The following KMT2A variants were observed in gnomAD, a reference collection of about 807,000 sequenced individuals.
The protein encoded by KMT2A is histone-lysine N-methyltransferase 2A.
A neutral mutation model predicts 345.3 loss-of-function variants in KMT2A; 16 were observed. The ratio of observed to expected loss-of-function variants is 0.05; its 90% CI spans 0.03 to 0.07. KMT2A has a LOEUF of 0.07. KMT2A is among the 10% of genes least tolerant of loss of function. The pLI is 1.00. For missense variants in KMT2A, 3,272 were observed against 4,841.6 expected (o/e 0.68, Z 9.62); for synonymous variants, 1,599 against 1,778.6 (o/e 0.90, Z 2.54).
chr11:118,519,562 A>G lies in KMT2A; in HGVS notation c.11147-56A>G, dbSNP rs1389998732. The G allele has an allele frequency of 1.1e-5, 17 of 1,512,372 alleles. No homozygotes were observed. The Admixed American group carries it at 2.7e-4, about 24-fold the overall frequency. The allele number at this position is 1,512,372 out of a possible 1,614,324, so 93.7% of individuals were successfully genotyped here. ...ATAGCATAGGCATTTCTGTAGGACC[A>G]TGCTGTTTCCTGTTGACTGCGCTCC... On this transcript the variant is annotated intron_variant, in intron 31 of 35. Transcript: ENST00000534358.
Position 118,472,516 on chromosome 11 carries a change from G to A in KMT2A, c.1357G>A (p.Ala453Thr). ...LESTPNSRFS[A>T]PSCGSSEKSS... Reference sequence around the variant, plus strand: ...GTCTACACCGAATAGTAGATTCAGTGCCCCGTCCTGTGGATCTTCTGAAAA... The same window carrying A: ...GTCTACACCGAATAGTAGATTCAGTACCCCGTCCTGTGGATCTTCTGAAAA... Residue 453 changes from alanine to threonine, a missense_variant, in exon 3 of 36, where the codon GCC becomes ACC. Ala to Thr is a moderately conservative substitution (Grantham distance 58). Coordinates refer to ENST00000534358, the MANE Select transcript of KMT2A (RefSeq NM_001197104.2). 6.2e-7 allele frequency: 1 copy of A among 1,613,130 alleles called. No homozygotes were observed. The highest frequency in any genetic ancestry group is 8.5e-7 in the Non-Finnish European group (1 of 1,179,882).
rs1224570954 is a variant in KMT2A, at chr11:118,522,748, C to T, written c.*576C>T. ...TCCTAGCACCTCCGGTGTCAAAAGG[C>T]TGTCATGGGGTTGTGCCAATTAATT... On this transcript the variant is annotated 3_prime_UTR_variant, in exon 36 of 36. Coordinates refer to ENST00000534358, the MANE Select transcript of KMT2A (RefSeq NM_001197104.2). The surrounding 1 kb of genome is among the most constrained non-coding windows in gnomAD (Gnocchi z 5.4). 4.7e-6 allele frequency: 1 copy of T among 213,548 alleles called. No individual in the cohort carries two copies. Among genetic ancestry groups the T allele is most frequent in the Non-Finnish European group, 9.5e-6 (1 of 105,432 alleles). 13.2% of individuals were successfully genotyped at this position (213,548 alleles called of 1,614,324 possible).
chr11:118,440,413 AT>A (rs1296026793), intron 1 of KMT2A, among the ~76,000 whole-genome samples: 3 of 152,200 alleles, frequency 2.0e-5, no homozygotes, highest in African/African-American at 7.2e-5. Flanking sequence ...CTCTCAGGTA[AT>A]GTTCATACTA....
chr11:118,478,631 T>C, intron 5 of KMT2A, among the ~76,000 whole-genome samples: 1 of 152,244 alleles, frequency 6.6e-6, no homozygotes, highest in East Asian at 1.9e-4. Flanking sequence ...ACTTTATGTA[T>C]AATTTTTGTT....
At chr11:118,442,065 C>T (rs1478867796) in intron 1 of KMT2A, among the ~76,000 whole-genome samples, 1 of 152,172 alleles carries the variant, frequency 6.6e-6, no homozygotes, top group Non-Finnish European at 1.5e-5. Context: ...TTGTAGGTCT[C>T]CTAATTAAGA....
In KMT2A at chr11:118,491,897, G is replaced by A. The variant is rs782125310; in HGVS notation, c.4973G>A (p.Arg1658Gln). 3 of 1,613,622 alleles carry A rather than the reference G, an allele frequency of 1.9e-6. No homozygotes were observed. The highest frequency in any genetic ancestry group is 1.3e-5 in the African/African-American group (1 of 74,998). The change falls in exon 15 of 36, where the codon CGG (arginine) becomes CAG (glutamine). Residue 1658 changes from arginine (R) to glutamine (Q), a missense_variant. Physicochemically the swap from Arg to Gln is conservative, Grantham distance 43. This residue lies in a region of KMT2A where 66 missense variants were observed against 80.1 expected (regional missense o/e 0.82). Transcript: ENST00000534358. This position sits in a 1 kb window ranked among gnomAD's most constrained non-coding sequence, Gnocchi z 4.2. ...GTTCTGACAGCTTTGTTGAATTCTCGGACTACCAGCCATTTGCTACGCTAC... is the reference window on the plus strand; with the variant it reads ...GTTCTGACAGCTTTGTTGAATTCTCAGACTACCAGCCATTTGCTACGCTAC... ...KQVLTALLNS[R>Q]TTSHLLRYRQ...
chr11:118,488,546 G>T, intron 10 of KMT2A, 68 bp from the exon 11 acceptor site: 7 of 1,535,210 alleles, frequency 4.6e-6, no homozygotes, highest in Non-Finnish European at 6.3e-6. Context: ...ATATAAGAAG[G>T]GTATGGTTGA....
chr11:118,463,873 T>C (rs1222299826), intron 1 of KMT2A, among the ~76,000 whole-genome samples: 1 of 152,180 alleles, frequency 6.6e-6, no homozygotes, highest in African/African-American at 2.4e-5. Flanking sequence ...CAGGATGTAG[T>C]TTGAGGCACT....
At position 118,471,973 on chromosome 11, in the gene KMT2A, A is replaced by G; in HGVS notation, c.814A>G (p.Lys272Glu). The change falls in exon 3 of 36, where the codon AAA becomes GAA. Residue 272 changes from lysine to glutamate, a missense_variant. Physicochemically the swap from Lys to Glu is moderately conservative, Grantham distance 56 (BLOSUM62 1). Transcript: ENST00000534358. ...ATFQQATKIK[K>E]LRAGKLSPLK... ...GTTTCAGCAAGCCACAAAGATTAAA[A>G]AATTAAGAGCAGGTAAACTCTCTCC... 6.2e-7 allele frequency: 1 copy of G among 1,614,174 alleles called. No individual in the cohort carries two copies. The highest frequency in any genetic ancestry group is 8.5e-7 in the Non-Finnish European group (1 of 1,180,036).
Position 118,489,817 on chromosome 11 carries a change from G to A in KMT2A, c.4505G>A (p.Arg1502Gln), listed in dbSNP as rs551144488. The change falls in exon 12 of 36, where the codon CGA (arginine) becomes CAA (glutamine). Residue 1502 changes from arginine to glutamine, a missense_variant. Physicochemically the swap from Arg to Gln is conservative, Grantham distance 43 (BLOSUM62 1). Coordinates refer to ENST00000534358, the MANE Select transcript of KMT2A (RefSeq NM_001197104.2). ...TKQLLECNKCRNSYHPECLGP... is the reference protein window; with the variant it reads ...TKQLLECNKCQNSYHPECLGP... ...CAGCTGCTGGAGTGTAATAAGTGCC[G>A]AAACAGCTATCACCCTGAGTGCCTG... 1.4e-5 allele frequency: 22 copies of A among 1,614,058 alleles called. No homozygotes were observed. Among genetic ancestry groups the A allele is most frequent in the South Asian group, 5.5e-5 (5 of 91,084 alleles).
intron 10 of KMT2A, among the ~76,000 whole-genome samples, chr11:118,486,850 T>G (rs1332379919): frequency 6.6e-6 from 1 of 152,116 alleles, no homozygotes; most frequent in Non-Finnish European, 1.5e-5. Flanking sequence ...ATCACGCCAC[T>G]GCACTCCAGC....
chr11:118,521,508 G>T lies in KMT2A; in HGVS notation c.11643+91G>T. The T allele has an allele frequency of 6.9e-7, 1 of 1,445,106 alleles. No homozygotes were observed. Among genetic ancestry groups the T allele is most frequent in the Middle Eastern group, 1.8e-4 (1 of 5,612 alleles). The allele number at this position is 1,445,106 out of a possible 1,614,324, so 89.5% of individuals were successfully genotyped here. ...CTGGATCACAAAAGAAATAGTGTAT[G>T]TTATCAATTCAGAGACCTTTCTTAA... On this transcript the variant is annotated intron_variant, in intron 35 of 35. Transcript: ENST00000534358. This position sits in a 1 kb window ranked among gnomAD's most constrained non-coding sequence, Gnocchi z 5.3.
rs1555054559 is a variant in KMT2A at position 118,523,952 on chromosome 11, TTC to T, written c.*1784_*1785del. On this transcript the variant is annotated 3_prime_UTR_variant, in exon 36 of 36. Coordinates refer to ENST00000534358, the MANE Select transcript of KMT2A (RefSeq NM_001197104.2). ...TACAGTAATATCTTGATACAACAGA[TTC>T]TCTTCTTTCCCGCCTCTCTCCTTTC... is the stretch of plus-strand genomic sequence containing the variant. 2 of 202,556 alleles carry T rather than the reference TTC, an allele frequency of 9.9e-6. No homozygotes were observed. Among genetic ancestry groups the T allele is most frequent in the African/African-American group, 4.6e-5 (2 of 43,598 alleles). 12.5% of individuals were successfully genotyped at this position (202,556 alleles called of 1,614,324 possible). A position where few individuals can be genotyped will look rare whatever the true frequency, so the allele number is the denominator to read the frequency against.
Position 118,509,219 on chromosome 11 carries a change from G to T in KMT2A, c.10900+19G>T. 1 of 1,595,554 alleles carries T rather than the reference G, an allele frequency of 6.3e-7. No individual in the cohort carries two copies. Among genetic ancestry groups the T allele is most frequent in the Non-Finnish European group, 8.6e-7 (1 of 1,163,960 alleles). ...AGTGCAGGTATGTGGGTGGGTAAAA[G>T]GTTAGAATCAGAGAATATCAATGCT... is the stretch of plus-strand genomic sequence containing the variant. On this transcript the variant is annotated intron_variant, in intron 29 of 35. Coordinates refer to ENST00000534358, the MANE Select transcript of KMT2A (RefSeq NM_001197104.2).
rs1949187348 is a variant in KMT2A at position 118,436,671 on chromosome 11, G to C, written c.159G>C (p.Ala53=). 8.2e-7 allele frequency: 1 copy of C among 1,223,058 alleles called. No homozygotes were observed. The highest frequency in any genetic ancestry group is 4.4e-5 in the Admixed American group (1 of 22,790). The allele number at this position is 1,223,058 out of a possible 1,614,324, so 75.8% of individuals were successfully genotyped here. Residue 53 remains alanine (A), a synonymous_variant, in exon 1 of 36, where the codon GCG becomes GCC. Coordinates refer to ENST00000534358, the MANE Select transcript of KMT2A (RefSeq NM_001197104.2). The surrounding 1 kb of genome is among the most constrained non-coding windows in gnomAD (Gnocchi z 6.9). The part of the protein sequence containing the change: ...GPPVGGGGPG[A]PPSPPAVAAA... ...CGGTCGGCGGTGGCGGCCCCGGGGC[G>C]CCCCCCTCCCCCCCGGCTGTGGCGG...
chr11:118,522,861 G>A lies in KMT2A; in HGVS notation c.*689G>A, dbSNP rs1216740544. Reference sequence around the variant, plus strand: ...AATTACCTTTCTTGACAGTAGGAGCGGCTTCCCTCTCCCATTCCCTCTTCA... The same window carrying A: ...AATTACCTTTCTTGACAGTAGGAGCAGCTTCCCTCTCCCATTCCCTCTTCA... On this transcript the variant is annotated 3_prime_UTR_variant, in exon 36 of 36. Coordinates refer to ENST00000534358, the MANE Select transcript of KMT2A (RefSeq NM_001197104.2). This position sits in a 1 kb window ranked among gnomAD's most constrained non-coding sequence, Gnocchi z 5.4. 13 of 222,900 alleles carry A rather than the reference G, an allele frequency of 5.8e-5. No homozygotes were observed. The highest frequency in any genetic ancestry group is 9.0e-5 in the African/African-American group (4 of 44,678). The allele number at this position is 222,900 out of a possible 1,614,324, so 13.8% of individuals were successfully genotyped here.
chr11:118,439,429 G>A (rs1396308951), intron 1 of KMT2A, among the ~76,000 whole-genome samples: 1 of 152,140 alleles, frequency 6.6e-6, no homozygotes, highest in Non-Finnish European at 1.5e-5. Flanking sequence ...GTTTTATGCT[G>A]ACAGCTTCCA....
In KMT2A at chr11:118,504,088, T is replaced by C. The variant is rs782644725; in HGVS notation, c.8196T>C (p.Ser2732=). 7.4e-6 allele frequency: 12 copies of C among 1,613,958 alleles called. No individual in the cohort carries two copies. The highest frequency in any genetic ancestry group is 1.6e-4 in the Middle Eastern group (1 of 6,082). The change falls in exon 27 of 36, where the codon AGT becomes AGC. Residue 2732 remains serine (S), a synonymous_variant. Transcript: ENST00000534358. The surrounding 1 kb of genome is among the most constrained non-coding windows in gnomAD (Gnocchi z 6.4). ...GVDDGTESDT[S]VTATTRKSSQ... is the part of the protein sequence containing the mutation. ...ATGATGGGACAGAGAGTGATACTAG[T>C]GTCACAGCCACAACAAGGAAAAGCA...
At chr11:118,444,865 G>A (rs1949385924) in intron 1 of KMT2A, among the ~76,000 whole-genome samples, 1 of 152,142 alleles carries the variant, frequency 6.6e-6, no homozygotes, top group Non-Finnish European at 1.5e-5. Flanking sequence ...GTGAGGCACT[G>A]CACCCAACCA....
Sources: allele counts gnomAD v4.1 joint callset (sites outside exome capture counted in the v4.1 genomes callset), GRCh38; gene constraint gnomAD v4.1.1; regional missense constraint gnomAD v4.1.1; non-coding constraint Gnocchi (gnomAD v3.1); transcripts MANE v1.5; gene names NCBI Gene and HGNC (gene_info 2026-07-23, HGNC 2026-07-21).